RAB38: variants seen among roughly 807,000 people sequenced by gnomAD.
RAB38 encodes the protein ras-related protein Rab-38.
Under a neutral mutation model 18.4 loss-of-function variants are expected in RAB38, and 15 were observed. The ratio of observed to expected loss-of-function variants is 0.82; its 90% CI spans 0.55 to 1.26. The LOEUF (loss-of-function observed/expected upper bound fraction) is 1.26. Ranked by LOEUF, RAB38 falls within the 50% of genes most tolerant of loss-of-function variation. The pLI is 0.00. For missense variants in RAB38, 294 were observed against 267.4 expected, an observed-to-expected ratio of 1.10 and a Z score of -0.69; for synonymous variants, 101 against 104.4, an observed-to-expected ratio of 0.97 and a Z score of 0.20.
At chr11:87,962,986 G>C in the RAB38 span, among the ~76,000 whole-genome samples, 2 of 151,804 alleles carry the variant, frequency 1.3e-5, no homozygotes, top group Non-Finnish European at 2.9e-5. Flanking sequence ...TGTATCTCAG[G>C]GGTTCCATGA....
At chr11:87,953,915 T>C in the RAB38 span, among the ~76,000 whole-genome samples, 3 of 152,144 alleles carry the variant, frequency 2.0e-5, 1 homozygote, top group South Asian at 6.2e-4. Flanking sequence ...CTATTTGTAT[T>C]TATTTATTTT....
At chr11:87,938,619 G>GTTT in the RAB38 span, among the ~76,000 whole-genome samples, 3,939 of 99,524 alleles carry the variant, frequency 0.04, 357 homozygotes, top group African/African-American at 0.15. Flanking sequence ...GCTCTTTTCC[G>GTTT]TTTTTTTTTT....
chr11:87,843,702 A>G, the RAB38 span, among the ~76,000 whole-genome samples: 1 of 152,208 alleles, frequency 6.6e-6, no homozygotes, highest in Admixed American at 6.5e-5. Flanking sequence ...CCTCTGTACT[A>G]CTTTGCAAGG....
At chr11:88,111,741 A>C (rs1942476915), downstream of RAB38, among the ~76,000 whole-genome samples, 1 of 152,230 alleles carries the variant, frequency 6.6e-6, no homozygotes, top group African/African-American at 2.4e-5. Flanking sequence ...GTCAATAGAG[A>C]ACAATCACTA....
At chr11:88,079,492 G>T in the RAB38 span, among the ~76,000 whole-genome samples, 644 of 151,772 alleles carry the variant, frequency 4.2e-3, 13 homozygotes, top group Middle Eastern at 0.014. Flanking sequence ...CAAAATTTTA[G>T]TACCAATTGT....
At chr11:87,849,325 T>C in the RAB38 span, among the ~76,000 whole-genome samples, 5 of 152,138 alleles carry the variant, frequency 3.3e-5, no homozygotes, top group African/African-American at 9.7e-5. Context: ...CCCTCATCCT[T>C]CTACTTTTAA....
At chr11:87,972,327 G>C in the RAB38 span, among the ~76,000 whole-genome samples, 1 of 151,994 alleles carries the variant, frequency 6.6e-6, no homozygotes, top group Non-Finnish European at 1.5e-5. Flanking sequence ...TTGCAGAAGT[G>C]AAACACAGTA....
chr11:88,122,737 T>C (rs1385832609), intron 2 of RAB38, among the ~76,000 whole-genome samples: 1 of 152,242 alleles, frequency 6.6e-6, no homozygotes, highest in African/African-American at 2.4e-5. Flanking sequence ...TGTTATTTAT[T>C]GAGTGCTATC....
the RAB38 span, among the ~76,000 whole-genome samples, chr11:88,094,597 T>C: frequency 6.6e-5 from 10 of 151,878 alleles, no homozygotes; most frequent in Non-Finnish European, 4.4e-5. Context: ...ATGTGAACTC[T>C]TTTACATGTG....
chr11:87,927,876 G>A, the RAB38 span, among the ~76,000 whole-genome samples: 2 of 151,896 alleles, frequency 1.3e-5, no homozygotes, highest in Admixed American at 6.6e-5. Context: ...AGACCGGCCT[G>A]GGCAACATAG....
chr11:87,977,871 A>ATGTAGT, the RAB38 span, among the ~76,000 whole-genome samples: 3 of 112,938 alleles, frequency 2.7e-5, no homozygotes, highest in Non-Finnish European at 5.0e-5. Flanking sequence ...ACTTACAAAT[A>ATGTAGT]TATATAAAGA....
At chr11:88,165,482 T>C (rs1367878761) in intron 1 of RAB38, 1 of 152,190 alleles carries the variant, frequency 6.6e-6, no homozygotes, top group East Asian at 1.9e-4. Context: ...GGTGGCCATT[T>C]ATAGCATGTT....
At chr11:88,161,516 C>G (rs1943189657) in intron 1 of RAB38, among the ~76,000 whole-genome samples, 1 of 151,992 alleles carries the variant, frequency 6.6e-6, no homozygotes, top group African/African-American at 2.4e-5. Flanking sequence ...ACTGAAAATC[C>G]TGGAGAGCAG....
the RAB38 span, among the ~76,000 whole-genome samples, chr11:87,855,693 A>G: frequency 2.6e-5 from 4 of 152,326 alleles, no homozygotes; most frequent in South Asian, 2.1e-4. Context: ...CACCTAATCT[A>G]TGGCATACAA....
At chr11:88,062,237 A>G in the RAB38 span, 3 of 151,856 alleles carry the variant, frequency 2.0e-5, no homozygotes, top group Non-Finnish European at 4.4e-5. Context: ...CCCCCATGCT[A>G]TTCTCATGAT....
chr11:88,088,509 G>A, the RAB38 span, among the ~76,000 whole-genome samples: 1 of 151,852 alleles, frequency 6.6e-6, no homozygotes, highest in Non-Finnish European at 1.5e-5. Context: ...TGAAGACTAA[G>A]TCTTCTAACT....
rs1441322424 is a variant in RAB38, at chr11:88,113,389, T to A, written c.*599A>T. ...ACAGAAAGGCACATATGGAGGCATGTCTTTTCATACAATATTCAGTTAAGC... is the reference window on the plus strand; with the variant it reads ...ACAGAAAGGCACATATGGAGGCATGACTTTTCATACAATATTCAGTTAAGC... On this transcript the variant is annotated 3_prime_UTR_variant, in exon 3 of 3. Coordinates refer to ENST00000243662, the MANE Select transcript of RAB38 (RefSeq NM_022337.3). 1 of 153,068 alleles carries A rather than the reference T, an allele frequency of 6.5e-6. No individual in the cohort carries two copies. Among genetic ancestry groups the A allele is most frequent in the Non-Finnish European group, 1.5e-5 (1 of 68,404 alleles). The allele number at this position is 153,068 out of a possible 1,614,324, so 9.5% of individuals were successfully genotyped here. A position where few individuals can be genotyped will look rare whatever the true frequency, so the allele number is the denominator to read the frequency against.
chr11:87,938,612 C>A, the RAB38 span, among the ~76,000 whole-genome samples: 2 of 88,870 alleles, frequency 2.3e-5, no homozygotes, highest in East Asian at 3.7e-4. Flanking sequence ...CTCTGTTGCT[C>A]TTTTCCGTTT....
chr11:87,889,585 T>G, the RAB38 span, among the ~76,000 whole-genome samples: 4 of 151,908 alleles, frequency 2.6e-5, no homozygotes, highest in African/African-American at 9.7e-5. Flanking sequence ...GTATATTATG[T>G]ATTATAATCC....
Sources: allele counts gnomAD v4.1 joint callset (sites outside exome capture counted in the v4.1 genomes callset), GRCh38; gene constraint gnomAD v4.1.1; transcripts MANE v1.5; gene names NCBI Gene and HGNC (gene_info 2026-07-23, HGNC 2026-07-21).